The following FAM117A variants were observed in gnomAD, a reference collection of about 807,000 sequenced individuals.
FAM117A encodes the protein family with sequence similarity 117 member A, also known as protein FAM117A.
Under a neutral mutation model 44.1 loss-of-function variants are expected in FAM117A, and 21 were observed. That is an observed-to-expected ratio of 0.48 (90% CI 0.34 to 0.69). The LOEUF (loss-of-function observed/expected upper bound fraction) is 0.69, where lower values mean the gene tolerates loss of function less well. Among genes scored for constraint, FAM117A ranks in the 30% least tolerant of loss-of-function variants. The pLI, the probability that FAM117A is intolerant of heterozygous loss-of-function variation, is 0.01. For missense variants in FAM117A, 498 were observed against 589.9 expected (o/e 0.84, Z 1.61); for synonymous variants, 220 against 238.3 (o/e 0.92, Z 0.71).
At chr17:49,766,766 C>T (rs1023065741), upstream of FAM117A, among the ~76,000 whole-genome samples, 5 of 152,230 alleles carry the variant, frequency 3.3e-5, no homozygotes, top group Non-Finnish European at 7.3e-5. Context: ...GTGGCTTCCT[C>T]TCTCTGTGCC....
chr17:49,730,399 C>A (rs2073579795), intron 2 of FAM117A, among the ~76,000 whole-genome samples: 1 of 152,194 alleles, frequency 6.6e-6, no homozygotes, highest in South Asian at 2.1e-4. Context: ...AGCCTAGGGC[C>A]CATGCCTCTA....
intron 5 of FAM117A, among the ~76,000 whole-genome samples, chr17:49,719,237 G>A (rs943371878): frequency 2.6e-5 from 4 of 152,082 alleles, no homozygotes; most frequent in African/African-American, 4.8e-5. Context: ...CCCCAGCCTG[G>A]GCAACAAGAG....
intron 1 of FAM117A, among the ~76,000 whole-genome samples, chr17:49,786,976 C>T (rs1365578474): frequency 2.0e-5 from 3 of 151,554 alleles, no homozygotes; most frequent in Non-Finnish European, 2.9e-5. Context: ...CCCAGCTACT[C>T]GGGAGGCTGA....
chr17:49,728,621 T>TGATGA (rs1299170366), intron 2 of FAM117A, among the ~76,000 whole-genome samples: 1 of 152,052 alleles, frequency 6.6e-6, no homozygotes, highest in Non-Finnish European at 1.5e-5. Context: ...ATTCCAGCTG[T>TGATGA]GATGAGACCA....
upstream of FAM117A, among the ~76,000 whole-genome samples, chr17:49,767,353 C>T (rs1057469214): frequency 6.6e-6 from 1 of 152,228 alleles, no homozygotes; most frequent in Non-Finnish European, 1.5e-5. Context: ...TGCTTATCAA[C>T]ATCATCGCCA....
chr17:49,772,251 CACT>C (rs1567838539), intron 1 of FAM117A, among the ~76,000 whole-genome samples: 1 of 151,340 alleles, frequency 6.6e-6, no homozygotes, highest in African/African-American at 2.4e-5. Context: ...AATTTTGTGT[CACT>C]ACATTCTAGC....
rs1316430510 is a variant in FAM117A at position 49,779,068 on chromosome 17, AG to A, written c.-621+9428del. Among the ~76,000 whole-genome samples, 3 of 152,324 alleles carry A rather than the reference AG, an allele frequency of 2.0e-5. No homozygotes were observed. In the East Asian group the frequency reaches 5.8e-4, roughly 29 times the overall value. On this transcript the variant is annotated intron_variant, in intron 1 of 7. Transcript: ENST00000513602. ...AAGAGCATGTGCAAAGGTCCTGAGA[AG>A]GAAGAAACCTGCACACTCCTAAGGA...
chr17:49,772,806 G>T (rs2073764989), intron 1 of FAM117A, among the ~76,000 whole-genome samples: 1 of 152,124 alleles, frequency 6.6e-6, no homozygotes, highest in South Asian at 2.1e-4. Flanking sequence ...TGAGTAATTT[G>T]AAAAGTGGTC....
chr17:49,788,542 T>TC, exon 1 of FAM117A: 1 of 390,976 alleles, frequency 2.6e-6, no homozygotes, highest in Admixed American at 4.5e-5. Flanking sequence ...GGAGTCACTT[T>TC]CTGCCCAACT....
chr17:49,777,522 A>G (rs1178900367), intron 1 of FAM117A, among the ~76,000 whole-genome samples: 1 of 152,000 alleles, frequency 6.6e-6, no homozygotes, highest in Non-Finnish European at 1.5e-5. Context: ...TAAGCTCCAC[A>G]CTGCTGGGAG....
intron 1 of FAM117A, among the ~76,000 whole-genome samples, chr17:49,763,443 G>C (rs999895143): frequency 5.9e-5 from 9 of 151,802 alleles, no homozygotes; most frequent in African/African-American, 1.9e-4. Context: ...ACGGCTGCAC[G>C]GGGCTCTACT....
intron 2 of FAM117A, among the ~76,000 whole-genome samples, chr17:49,731,206 C>T (rs138377772): frequency 1.3e-3 from 198 of 152,350 alleles, no homozygotes; most frequent in African/African-American, 4.5e-3. Context: ...AGGCAGACCA[C>T]GCACTCTCCA....
chr17:49,784,543 C>T (rs1312958800), intron 1 of FAM117A, among the ~76,000 whole-genome samples: 2 of 152,206 alleles, frequency 1.3e-5, no homozygotes, highest in African/African-American at 4.8e-5. Flanking sequence ...TGTACCCTCC[C>T]CGGCACCCAT....
intron 7 of FAM117A, among the ~76,000 whole-genome samples, chr17:49,713,441 A>C (rs777239281): frequency 6.6e-6 from 1 of 152,274 alleles, no homozygotes; most frequent in Non-Finnish European, 1.5e-5. Context: ...TTTCTTTTTT[A>C]CTTTTTATTG....
chr17:49,725,385 T>C (rs1415720507), intron 2 of FAM117A, among the ~76,000 whole-genome samples: 2 of 152,212 alleles, frequency 1.3e-5, no homozygotes, highest in African/African-American at 2.4e-5. Flanking sequence ...ACAACACAAA[T>C]ACTTGTCCCG....
Position 49,711,458 on chromosome 17 carries a change from TC to T in FAM117A, c.1158del (p.Met387Ter). On this transcript the variant is annotated frameshift_variant, in exon 8 of 8. Coordinates refer to ENST00000240364, the MANE Select transcript of FAM117A (RefSeq NM_030802.4). LOFTEE classifies it high-confidence loss of function. ...CCCATGCCGGGGAAGAGGGGCTTCA[TC>T]AGGTTGACGGGGCAGAAGGCTGAGC... ...PTGSAFCPVNLMKPLFPGMGF... is the reference protein window; with the variant it reads ...PTGSAFCPVNXMKPLFPGMGF... 1.2e-6 allele frequency: 2 copies of T among 1,613,902 alleles called. No homozygotes were observed. Among genetic ancestry groups the T allele is most frequent in the Non-Finnish European group, 1.7e-6 (2 of 1,179,970 alleles).
At position 49,711,225 on chromosome 17, in the gene FAM117A, C is replaced by T; in HGVS notation, c.*30G>A. 1 of 1,562,564 alleles carries T rather than the reference C, an allele frequency of 6.4e-7. No individual in the cohort carries two copies. Among genetic ancestry groups the T allele is most frequent in the Non-Finnish European group, 8.7e-7 (1 of 1,153,268 alleles). On this transcript the variant is annotated 3_prime_UTR_variant, in exon 8 of 8. Coordinates refer to ENST00000240364, the MANE Select transcript of FAM117A (RefSeq NM_030802.4). ...GGACCTGCCACCAAGGCACTGGTCT[C>T]TATGGTAAAGTGGGGCAGGGGTGGG... is the stretch of plus-strand genomic sequence containing the variant.
intron 1 of FAM117A, among the ~76,000 whole-genome samples, chr17:49,775,217 G>T (rs933883197): frequency 3.3e-5 from 5 of 152,002 alleles, no homozygotes; most frequent in African/African-American, 1.2e-4. Flanking sequence ...CAAACCCCTG[G>T]CCTCAAGTGA....
At chr17:49,779,745 C>T (rs533829697) in intron 1 of FAM117A, among the ~76,000 whole-genome samples, 2 of 152,186 alleles carry the variant, frequency 1.3e-5, no homozygotes, top group Non-Finnish European at 2.9e-5. Context: ...TGGATATATA[C>T]ATATCCTTGA....
Sources: allele counts gnomAD v4.1 joint callset (sites outside exome capture counted in the v4.1 genomes callset), GRCh38; gene constraint gnomAD v4.1.1; transcripts MANE v1.5; gene names NCBI Gene and HGNC (gene_info 2026-07-23, HGNC 2026-07-21).